The following KDM4B variants were observed in gnomAD, a reference collection of about 807,000 sequenced individuals.
The protein encoded by KDM4B is lysine-specific demethylase 4B.
In KDM4B, 32 loss-of-function variants were observed where a neutral mutation model predicts 125.2. The observed-to-expected ratio is 0.26, with a 90% CI of 0.19 to 0.34. KDM4B has a LOEUF of 0.34. KDM4B is among the 10% of genes least tolerant of loss of function. KDM4B has a pLI of 1.00. For synonymous variants in KDM4B, 721 were observed against 677.9 expected, an observed-to-expected ratio of 1.06 and a Z score of -0.99; for missense variants, 1,190 against 1,577.7, an observed-to-expected ratio of 0.75 and a Z score of 4.16.
chr19:5,088,409 C>T (rs773662578), intron 9 of KDM4B, among the ~76,000 whole-genome samples: 37 of 152,174 alleles, frequency 2.4e-4, no homozygotes, highest in Non-Finnish European at 2.9e-4. Flanking sequence ...CCATATCACT[C>T]GGACACCACG....
intron 2 of KDM4B, among the ~76,000 whole-genome samples, chr19:5,019,343 T>C (rs952847514): frequency 1.0e-4 from 15 of 147,730 alleles, no homozygotes; most frequent in Non-Finnish European, 2.2e-4. Flanking sequence ...GGTGTTGGTG[T>C]GGGTGTTGGT....
At chr19:5,059,940 C>T (rs954138416) in intron 6 of KDM4B, among the ~76,000 whole-genome samples, 4 of 152,244 alleles carry the variant, frequency 2.6e-5, no homozygotes, top group African/African-American at 9.6e-5. Context: ...ACCACGGGCA[C>T]ATCAGCCCTG....
chr19:5,045,486 A>G (rs2036996687), intron 5 of KDM4B, among the ~76,000 whole-genome samples: 1 of 151,880 alleles, frequency 6.6e-6, no homozygotes, highest in Non-Finnish European at 1.5e-5. Flanking sequence ...TCCTGGGTTC[A>G]ATCATTTCTG....
At chr19:5,083,126 C>G (rs748381591) in intron 9 of KDM4B, among the ~76,000 whole-genome samples, 12 of 152,194 alleles carry the variant, frequency 7.9e-5, no homozygotes, top group Non-Finnish European at 1.3e-4. Flanking sequence ...TCTGGTGATT[C>G]TCGTTCCTGG....
In KDM4B at chr19:5,044,477, C is replaced by T. The variant is rs114820937; in HGVS notation, c.433-2999C>T. Reference sequence around the variant, plus strand: ...CCCGCGCAGTGTTGATCAGTTCATCCGCTGACGGACATTTGGGCTGTGTTC... The same window carrying T: ...CCCGCGCAGTGTTGATCAGTTCATCTGCTGACGGACATTTGGGCTGTGTTC... On this transcript the variant is annotated intron_variant, in intron 5 of 22. Transcript: ENST00000159111. Among the ~76,000 whole-genome samples the T allele has an allele frequency of 1.1e-3, 173 of 152,280 alleles. 1 individual carries two copies. Among genetic ancestry groups the T allele is most frequent in the African/African-American group, 3.6e-3 (151 of 41,530 alleles).
chr19:4,990,374 G>C (rs1433601786), intron 1 of KDM4B, among the ~76,000 whole-genome samples: 1 of 152,214 alleles, frequency 6.6e-6, no homozygotes, highest in Non-Finnish European at 1.5e-5. Flanking sequence ...GGAGACACTT[G>C]TGTGGAGCCC....
intron 5 of KDM4B, 45 bp downstream of exon 5, chr19:5,041,296 G>A: frequency 6.8e-7 from 1 of 1,465,640 alleles, no homozygotes; most frequent in Non-Finnish European, 9.5e-7. Context: ...GCTTCCTGGT[G>A]GGTGGTGGTG....
At chr19:5,063,446 TG>T (rs1472169063) in intron 6 of KDM4B, among the ~76,000 whole-genome samples, 9 of 152,198 alleles carry the variant, frequency 5.9e-5, no homozygotes, top group Non-Finnish European at 2.9e-5. Flanking sequence ...TGTGTGTACA[TG>T]GGCACTGTCC....
At position 5,039,992 on chromosome 19, in the gene KDM4B, C is replaced by A. The variant is rs919410120; in HGVS notation, c.298C>A (p.Arg100Ser). 5.6e-6 allele frequency: 9 copies of A among 1,611,202 alleles called. No individual in the cohort carries two copies. The highest frequency in any genetic ancestry group is 7.6e-6 in the Non-Finnish European group (9 of 1,178,800). ...KKAMTVGEYR[R>S]LANSEKYCTP... ...GGCCATGACAGTGGGCGAGTACCGC[C>A]GCCTGGCCAACAGCGAGAAGTACGC... The change falls in exon 4 of 23, where the codon CGC (arginine) becomes AGC (serine). Residue 100 changes from arginine (R) to serine (S), a missense_variant. Physicochemically the swap from Arg to Ser is moderately radical, Grantham distance 110. Coordinates refer to ENST00000159111, the MANE Select transcript of KDM4B (RefSeq NM_015015.3).
In KDM4B at chr19:4,974,249, A is replaced by G. The variant is rs2034364394; in HGVS notation, c.-109+5019A>G. On this transcript the variant is annotated intron_variant, in intron 1 of 22. Coordinates refer to ENST00000159111, the MANE Select transcript of KDM4B (RefSeq NM_015015.3). ...CGTCTCTACTAAAAATGCAAAAAAA[A>G]TTACCCGGGCATGGTGGTGGCCGGT... Among the ~76,000 whole-genome samples the G allele has an allele frequency of 1.3e-5, 2 of 151,830 alleles. 1 individual carries two copies. Among genetic ancestry groups the G allele is most frequent in the South Asian group, 4.2e-4 (2 of 4,806 alleles).
chr19:5,131,819 T>G (rs1034528978), intron 12 of KDM4B, 68 bp from the exon 13 acceptor site: 32 of 1,599,644 alleles, frequency 2.0e-5, no homozygotes, highest in Admixed American at 5.1e-5. Context: ...AGCCCCTGTG[T>G]GGCTCCGAGG....
intron 11 of KDM4B, among the ~76,000 whole-genome samples, chr19:5,121,749 G>A (rs531303037): frequency 1.8e-4 from 27 of 152,208 alleles, no homozygotes; most frequent in African/African-American, 6.5e-4. Context: ...GACAACTAAC[G>A]GCTTCCCCCA....
At chr19:5,083,258 G>C (rs1287597988) in intron 9 of KDM4B, among the ~76,000 whole-genome samples, 1 of 152,220 alleles carries the variant, frequency 6.6e-6, no homozygotes, top group African/African-American at 2.4e-5. Flanking sequence ...GGTGTGGGAG[G>C]CTACTGGATG....
rs903194591 is a variant in KDM4B, at chr19:5,026,866, A to G, written c.-25-6000A>G. On this transcript the variant is annotated intron_variant, in intron 2 of 22. Transcript: ENST00000159111. ...ACCCCTGCCCTGGTGTCCCCATAGG[A>G]GCTGACTGCCGCCCCCTTTCTGCAG... is the stretch of plus-strand genomic sequence containing the variant. Among the ~76,000 whole-genome samples, 257 of 152,312 alleles carry G rather than the reference A, an allele frequency of 1.7e-3. 3 individuals are homozygous for G. Among genetic ancestry groups the G allele is most frequent in the African/African-American group, 5.7e-3 (238 of 41,570 alleles).
At chr19:5,064,968 G>C (rs1414176410) in intron 6 of KDM4B, among the ~76,000 whole-genome samples, 1 of 152,250 alleles carries the variant, frequency 6.6e-6, no homozygotes, top group Non-Finnish European at 1.5e-5. Flanking sequence ...CAAAGGCAGA[G>C]GCTGTGAGGG....
chr19:5,133,885 G>C lies in KDM4B; in HGVS notation c.1909G>C (p.Ala637Pro), dbSNP rs555086317. 6.2e-7 allele frequency: 1 copy of C among 1,612,856 alleles called. No individual in the cohort carries two copies. The highest frequency in any genetic ancestry group is 1.3e-5 in the African/African-American group (1 of 75,044). ...VKQEASSDEEASPFSGEEDVS... is the reference protein window; with the variant it reads ...VKQEASSDEEPSPFSGEEDVS... Reference sequence around the variant, plus strand: ...CCCTCTCCCCTCTGTTCTTCTAGAGGCATCCCCTTTCTCCGGGGAGGAAGA... The same window carrying C: ...CCCTCTCCCCTCTGTTCTTCTAGAGCCATCCCCTTTCTCCGGGGAGGAAGA... Residue 637 changes from alanine to proline, a missense_variant and splice_region_variant, in exon 14 of 23, where the codon GCA becomes CCA. This residue lies in a region of KDM4B where 128 missense variants were observed against 137.8 expected (regional missense o/e 0.93). Coordinates refer to ENST00000159111, the MANE Select transcript of KDM4B (RefSeq NM_015015.3).
chr19:5,048,561 C>T (rs1477561219), intron 6 of KDM4B, among the ~76,000 whole-genome samples: 1 of 151,182 alleles, frequency 6.6e-6, no homozygotes, highest in Non-Finnish European at 1.5e-5. Flanking sequence ...GGAGCTCCGC[C>T]TTGCCTGGCC....
chr19:5,146,964 A>C lies in KDM4B; in HGVS notation c.3021+2062A>C, dbSNP rs1210261498. The stretch of plus-strand genomic sequence containing the variant: ...CAAAAAAAAAAAAAAAAAAAAAAAC[A>C]AAAACTCTGCTGGGAAGCATTCTGG... On this transcript the variant is annotated intron_variant, in intron 21 of 22. Coordinates refer to ENST00000159111, the MANE Select transcript of KDM4B (RefSeq NM_015015.3). Among the ~76,000 whole-genome samples, 15 of 144,834 alleles carry C rather than the reference A, an allele frequency of 1.0e-4. No individual in the cohort carries two copies. In the East Asian group the frequency reaches 3.1e-3, roughly 30 times the overall value.
chr19:5,131,455 T>A lies in KDM4B; in HGVS notation c.1695T>A (p.Val565=). 6.2e-7 allele frequency: 1 copy of A among 1,601,002 alleles called. No individual in the cohort carries two copies. Among genetic ancestry groups the A allele is most frequent in the East Asian group, 2.2e-5 (1 of 44,454 alleles). ...AQKGPTWKEP[V]SPMELTGPED... ...AGGGTCCGACCTGGAAGGAACCAGTTTCCCCCATGGAGCTGACGGGGCCAG... is the reference window on the plus strand; with the variant it reads ...AGGGTCCGACCTGGAAGGAACCAGTATCCCCCATGGAGCTGACGGGGCCAG... Residue 565 remains valine (V), a synonymous_variant, in exon 12 of 23, where the codon GTT becomes GTA. Coordinates refer to ENST00000159111, the MANE Select transcript of KDM4B (RefSeq NM_015015.3).
Sources: gnomAD v4.1 joint callset for allele counts (sites outside exome capture counted in the v4.1 genomes callset) on GRCh38, gnomAD v4.1.1 for gene constraint, gnomAD v4.1.1 regional missense constraint, MANE v1.5 for transcripts, NCBI Gene and HGNC (gene_info 2026-07-23, HGNC 2026-07-21) for gene names.